ZNF469: variants seen among roughly 807,000 people sequenced by gnomAD.
The protein encoded by ZNF469 is zinc finger protein 469.
A neutral mutation model predicts 1.0 loss-of-function variants in ZNF469; 1 was observed. The ratio of observed to expected loss-of-function variants is 1.00; its 90% confidence interval spans 0.35 to 4.73. ZNF469 has a LOEUF of 4.73. Ranked by LOEUF, ZNF469 falls within the 30% of genes most tolerant of loss-of-function variation. ZNF469 has a pLI of 0.16. For synonymous variants in ZNF469, 2,703 were observed against 2,363.4 expected, an observed-to-expected ratio of 1.14 and a Z score of -4.17; for missense variants, 6,100 against 5,356.3, an observed-to-expected ratio of 1.14 and a Z score of -4.33.
At chr16:88,101,805 T>C in the ZNF469 span, among the ~76,000 whole-genome samples, 6 of 152,112 alleles carry the variant, frequency 3.9e-5, no homozygotes, top group East Asian at 5.8e-4. Flanking sequence ...GGGCCATGAA[T>C]GAAAGTGACA....
At chr16:88,184,285 G>T in the ZNF469 span, among the ~76,000 whole-genome samples, 1 of 152,138 alleles carries the variant, frequency 6.6e-6, no homozygotes, top group Non-Finnish European at 1.5e-5. Context: ...GCAGTGTGGG[G>T]CTTGGGGCCA....
At chr16:88,395,102 G>T (rs1904617517) in intron 1 of ZNF469, among the ~76,000 whole-genome samples, 1 of 152,202 alleles carries the variant, frequency 6.6e-6, no homozygotes, top group African/African-American at 2.4e-5. Flanking sequence ...TCTACTTTGA[G>T]GTGAACTCTG....
chr16:88,162,669 T>TG, the ZNF469 span, among the ~76,000 whole-genome samples: 1 of 98,066 alleles, frequency 1.0e-5, no homozygotes, highest in Non-Finnish European at 3.2e-5. Context: ...TTCTTTTTAG[T>TG]GCCCCCCCCC....
At position 88,438,261 on chromosome 16, in the gene ZNF469, G is replaced by A; in HGVS notation, c.10791G>A (p.Leu3597=). ...CTCTTCTCCAGCAAGCTCTCCCTCT[G>A]GGGGCATCTCTGCCGCGGCCGGGAG... The part of the protein sequence containing the change: ...PGPLLQQALP[L]GASLPRPGAR... Residue 3597 remains leucine, a synonymous_variant, in exon 3 of 3, where the codon CTG becomes CTA. Transcript: ENST00000565624. 6.5e-7 allele frequency: 1 copy of A among 1,548,486 alleles called. No homozygotes were observed. The highest frequency in any genetic ancestry group is 8.7e-7 in the Non-Finnish European group (1 of 1,145,746).
At chr16:88,395,694 G>A (rs1488719580) in intron 1 of ZNF469, among the ~76,000 whole-genome samples, 3 of 152,174 alleles carry the variant, frequency 2.0e-5, no homozygotes, top group Non-Finnish European at 4.4e-5. Flanking sequence ...ACTCAGGGCT[G>A]TGTGACCAGC....
Position 88,436,401 on chromosome 16 carries a change from C to T in ZNF469, c.8931C>T (p.His2977=), listed in dbSNP as rs758398877. ...REAGAEKLPS[H]CPEDDRPEAI... Reference sequence around the variant, plus strand: ...CTGGTGCAGAGAAGCTGCCCTCCCACTGCCCCGAGGACGATCGGCCGGAGG... The same window carrying T: ...CTGGTGCAGAGAAGCTGCCCTCCCATTGCCCCGAGGACGATCGGCCGGAGG... The change falls in exon 3 of 3, where the codon CAC becomes CAT. Residue 2977 remains histidine, a synonymous_variant. Coordinates refer to ENST00000565624, the MANE Select transcript of ZNF469 (RefSeq NM_001367624.2). 1 of 1,549,802 alleles carries T rather than the reference C, an allele frequency of 6.5e-7. No individual in the cohort carries two copies. Among genetic ancestry groups the T allele is most frequent in the Non-Finnish European group, 8.7e-7 (1 of 1,146,938 alleles).
chr16:88,182,590 T>C, the ZNF469 span, among the ~76,000 whole-genome samples: 2 of 152,076 alleles, frequency 1.3e-5, no homozygotes, highest in Admixed American at 1.3e-4. Context: ...CGCATGTATA[T>C]ATGGTCAATA....
At chr16:88,141,063 T>A in the ZNF469 span, among the ~76,000 whole-genome samples, 1 of 152,216 alleles carries the variant, frequency 6.6e-6, no homozygotes, top group South Asian at 2.1e-4. Context: ...GTTGGGCCAA[T>A]GAATCCACCA....
chr16:88,330,696 G>C, the ZNF469 span, among the ~76,000 whole-genome samples: 1 of 152,176 alleles, frequency 6.6e-6, no homozygotes, highest in East Asian at 1.9e-4. Context: ...TGCCCCCAGG[G>C]AAAGGAGAAG....
chr16:88,427,681 G>A lies in ZNF469; in HGVS notation c.211G>A (p.Gly71Arg), dbSNP rs973947037. Reference sequence around the variant, plus strand: ...GGCCCAGCCAAGGCAGGCCAGGGACGGGGAGCTCAAGCCCCCATCCCTGAG... The same window carrying A: ...GGCCCAGCCAAGGCAGGCCAGGGACAGGGAGCTCAAGCCCCCATCCCTGAG... ...PEAQPRQARD[G>R]ELKPPSLRGQ... Residue 71 changes from glycine to arginine, a missense_variant, in exon 3 of 3, where the codon GGG (glycine) becomes AGG (arginine). Gly to Arg is a moderately radical substitution (Grantham distance 125). Transcript: ENST00000565624. 41 of 1,533,850 alleles carry A rather than the reference G, an allele frequency of 2.7e-5. No homozygotes were observed. The highest frequency in any genetic ancestry group is 1.8e-4 in the African/African-American group (13 of 72,868).
At chr16:88,239,854 C>A in the ZNF469 span, among the ~76,000 whole-genome samples, 11 of 149,450 alleles carry the variant, frequency 7.4e-5, no homozygotes, top group South Asian at 4.3e-4. Context: ...GCCACCATGC[C>A]TGGCTAACAA....
At chr16:88,109,019 T>A in the ZNF469 span, among the ~76,000 whole-genome samples, 7 of 152,332 alleles carry the variant, frequency 4.6e-5, no homozygotes, top group East Asian at 1.3e-3. Context: ...ATGACTGTTG[T>A]GCTTTTTAGC....
At chr16:88,221,473 G>T in the ZNF469 span, among the ~76,000 whole-genome samples, 2 of 152,242 alleles carry the variant, frequency 1.3e-5, no homozygotes, top group Admixed American at 1.3e-4. Flanking sequence ...ACAGGGCCTT[G>T]TAGACGAGCA....
the ZNF469 span, among the ~76,000 whole-genome samples, chr16:88,329,356 G>C: frequency 6.6e-6 from 1 of 152,254 alleles, no homozygotes; most frequent in African/African-American, 2.4e-5. Context: ...TAGCCGATAA[G>C]GGAGGGTGTG....
At chr16:88,388,015 G>A (rs998411424) in intron 1 of ZNF469, among the ~76,000 whole-genome samples, 2 of 152,274 alleles carry the variant, frequency 1.3e-5, no homozygotes, top group Non-Finnish European at 2.9e-5. Context: ...ACGGCTCCCA[G>A]CCTCGGTTTG....
At chr16:88,415,245 G>A (rs1022834111) in intron 1 of ZNF469, among the ~76,000 whole-genome samples, 5 of 152,234 alleles carry the variant, frequency 3.3e-5, no homozygotes, top group East Asian at 1.9e-4. Context: ...GGCCAGTGCC[G>A]GTCACAGCTG....
chr16:88,249,381 C>A, the ZNF469 span, among the ~76,000 whole-genome samples: 1 of 150,666 alleles, frequency 6.6e-6, no homozygotes, highest in African/African-American at 2.4e-5. Context: ...GGGACTACAC[C>A]ACAACTGCCA....
chr16:88,309,079 C>T, the ZNF469 span, among the ~76,000 whole-genome samples: 1 of 152,238 alleles, frequency 6.6e-6, no homozygotes, highest in Non-Finnish European at 1.5e-5. Flanking sequence ...TTCTCCCAAC[C>T]TCCCAGGCTC....
intron 1 of ZNF469, among the ~76,000 whole-genome samples, chr16:88,404,101 C>T (rs758935844): frequency 5.3e-5 from 8 of 152,208 alleles, no homozygotes; most frequent in Non-Finnish European, 1.2e-4. Flanking sequence ...TGTTGTTTTG[C>T]GGGACCCTTG....
Sources: allele counts gnomAD v4.1 joint callset (sites outside exome capture counted in the v4.1 genomes callset), GRCh38; gene constraint gnomAD v4.1.1; transcripts MANE v1.5; gene names NCBI Gene and HGNC (gene_info 2026-07-23, HGNC 2026-07-21).